KALRN: variants seen among roughly 807,000 people sequenced by gnomAD.
KALRN encodes the protein kalirin.
A neutral mutation model predicts 353.7 loss-of-function variants in KALRN; 70 were observed. The observed-to-expected ratio is 0.20, with a 90% CI of 0.16 to 0.24. KALRN has a LOEUF of 0.24. KALRN is among the 10% of genes least tolerant of loss of function. The pLI is 1.00. For synonymous variants in KALRN, 1,391 were observed against 1,434.8 expected (o/e 0.97, Z 0.69); for missense variants, 2,791 against 3,756.7 (o/e 0.74, Z 6.72).
intron 2 of KALRN, among the ~76,000 whole-genome samples, chr3:124,231,656 C>T (rs1292475586): frequency 6.6e-6 from 1 of 152,088 alleles, no homozygotes; most frequent in African/African-American, 2.4e-5. Flanking sequence ...TTACAATATC[C>T]ATTAAAATAC....
intron 5 of KALRN, among the ~76,000 whole-genome samples, chr3:124,292,199 C>T (rs747442354): frequency 1.3e-5 from 2 of 152,140 alleles, no homozygotes; most frequent in Admixed American, 6.5e-5. Flanking sequence ...TTGATTCTCA[C>T]GTCTATTTTA....
At chr3:124,369,707 T>C (rs1350651179) in intron 10 of KALRN, among the ~76,000 whole-genome samples, 1 of 152,148 alleles carries the variant, frequency 6.6e-6, no homozygotes, top group African/African-American at 2.4e-5. Flanking sequence ...TCTATCTAAT[T>C]GAAATTTTGT....
In KALRN at chr3:124,090,281, C is replaced by CTGGG. The variant is rs780119558; in HGVS notation, c.73+56469_73+56472dup. Among the ~76,000 whole-genome samples, 56 of 152,314 alleles carry CTGGG rather than the reference C, an allele frequency of 3.7e-4. 1 individual carries two copies. The highest frequency in any genetic ancestry group is 2.7e-3 in the Admixed American group (41 of 15,308). ...GCAGTGAAAGGTTGTCTTCCATGAG[C>CTGGG]TGGGCATGCCTCAGCCAAGGCAGAG... On this transcript the variant is annotated intron_variant, in intron 1 of 59. Coordinates refer to ENST00000682506, the MANE Select transcript of KALRN (RefSeq NM_001388419.1).
Position 124,379,540 on chromosome 3 carries a change from G to A in KALRN, c.1771-5305G>A, listed in dbSNP as rs548193034. Among the ~76,000 whole-genome samples the A allele has an allele frequency of 7.9e-5, 12 of 152,286 alleles. No individual in the cohort carries two copies. The South Asian group carries it at 1.0e-3, about 13-fold the overall frequency. On this transcript the variant is annotated intron_variant, in intron 10 of 59. Coordinates refer to ENST00000682506, the MANE Select transcript of KALRN (RefSeq NM_001388419.1). The stretch of plus-strand genomic sequence containing the variant: ...GGAAAAAAATTGATCTGTTCAGGTC[G>A]TTCTCTTAAAATGTACTAGGCAGGA...
intron 6 of KALRN, among the ~76,000 whole-genome samples, chr3:124,315,553 T>C (rs1030022729): frequency 1.3e-5 from 2 of 152,028 alleles, no homozygotes; most frequent in Non-Finnish European, 2.9e-5. Context: ...GGGACCTTCT[T>C]TTCTGGCTTC....
chr3:124,121,666 T>A (rs1163272808), intron 1 of KALRN, among the ~76,000 whole-genome samples: 1 of 152,224 alleles, frequency 6.6e-6, no homozygotes, highest in East Asian at 1.9e-4. Context: ...GATTTATTTC[T>A]ACTTGAAGAA....
Position 124,721,531 on chromosome 3 carries a change from TA to T in KALRN, c.*2068del, listed in dbSNP as rs1467024083. The T allele has an allele frequency of 6.6e-5, 10 of 152,172 alleles. No homozygotes were observed. Among genetic ancestry groups the T allele is most frequent in the Admixed American group, 5.9e-4 (9 of 15,284 alleles). 9.4% of individuals were successfully genotyped at this position (152,172 alleles called of 1,614,324 possible). A position where few individuals can be genotyped will look rare whatever the true frequency, so the allele number is the denominator to read the frequency against. On this transcript the variant is annotated 3_prime_UTR_variant, in exon 60 of 60. Coordinates refer to ENST00000682506, the MANE Select transcript of KALRN (RefSeq NM_001388419.1). ...TTTTCAAAATGTAAAACATATTTAG[TA>T]AAAAAATTTTAGTAAACATGTTTTC...
At chr3:124,404,914 G>T (rs188096258) in intron 13 of KALRN, among the ~76,000 whole-genome samples, 1 of 152,084 alleles carries the variant, frequency 6.6e-6, no homozygotes, top group South Asian at 2.1e-4. Context: ...AGACTGCAAG[G>T]CCTTGCTGTT....
intron 20 of KALRN, 62 bp from the exon 21 acceptor site, chr3:124,446,701 T>C (rs1473983302): frequency 6.2e-7 from 1 of 1,601,638 alleles, no homozygotes; most frequent in Non-Finnish European, 8.5e-7. Context: ...CATTGTAGTA[T>C]GGCATGTTTT....
chr3:124,465,083 C>T (rs761684753), intron 25 of KALRN, among the ~76,000 whole-genome samples: 18 of 152,036 alleles, frequency 1.2e-4, no homozygotes, highest in Non-Finnish European at 2.5e-4. Flanking sequence ...TAATTATCTG[C>T]AATTTAAGGA....
chr3:124,315,411 G>A (rs1352243960), intron 6 of KALRN, among the ~76,000 whole-genome samples: 1 of 152,156 alleles, frequency 6.6e-6, no homozygotes, highest in East Asian at 1.9e-4. Context: ...AGCAGGACTT[G>A]GCTGATGACT....
chr3:124,043,786 G>A (rs1369227166), intron 1 of KALRN, among the ~76,000 whole-genome samples: 1 of 152,134 alleles, frequency 6.6e-6, no homozygotes, highest in East Asian at 1.9e-4. Context: ...AGTGCTGGTG[G>A]CTTTCTTTTG....
chr3:124,498,800 C>T (rs1322682434), intron 33 of KALRN, among the ~76,000 whole-genome samples: 1 of 152,014 alleles, frequency 6.6e-6, no homozygotes, highest in African/African-American at 2.4e-5. Context: ...ATGTGTCCTC[C>T]GTGACTGCAC....
intron 34 of KALRN, among the ~76,000 whole-genome samples, chr3:124,609,730 A>G (rs561851043): frequency 9.9e-4 from 151 of 152,358 alleles, no homozygotes; most frequent in African/African-American, 3.5e-3. Flanking sequence ...ACAACACAAT[A>G]CTGTTCACTG....
At chr3:124,587,990 A>T (rs2075385993) in intron 34 of KALRN, among the ~76,000 whole-genome samples, 1 of 152,002 alleles carries the variant, frequency 6.6e-6, no homozygotes, top group South Asian at 2.1e-4. Flanking sequence ...CACTGCACTT[A>T]GCCTTTTTGG....
At chr3:124,247,785 A>C (rs75722290) in intron 3 of KALRN, among the ~76,000 whole-genome samples, 1,748 of 152,270 alleles carry the variant, frequency 0.011, 34 homozygotes, top group African/African-American at 0.04. Flanking sequence ...AGAAAAACAA[A>C]ACTATCTAGG....
At chr3:124,668,385 G>A (rs1278118216) in intron 47 of KALRN, among the ~76,000 whole-genome samples, 5 of 152,180 alleles carry the variant, frequency 3.3e-5, no homozygotes, top group African/African-American at 1.2e-4. Context: ...CTTGTGGCTG[G>A]TTTTGTGAAA....
At chr3:124,130,576 CATGATATCT>C (rs1437365968) in intron 1 of KALRN, among the ~76,000 whole-genome samples, 1 of 152,024 alleles carries the variant, frequency 6.6e-6, no homozygotes, top group Non-Finnish European at 1.5e-5. Context: ...AGAGAATTTT[CATGATATCT>C]ATTATGCACA....
chr3:124,155,706 GT>G (rs1303267618), intron 1 of KALRN, among the ~76,000 whole-genome samples: 1 of 152,158 alleles, frequency 6.6e-6, no homozygotes, highest in South Asian at 2.1e-4. Flanking sequence ...GTTAAATTCA[GT>G]TTTTCACAAG....
Sources: allele counts gnomAD v4.1 joint callset (sites outside exome capture counted in the v4.1 genomes callset), GRCh38; gene constraint gnomAD v4.1.1; transcripts MANE v1.5; gene names NCBI Gene and HGNC (gene_info 2026-07-23, HGNC 2026-07-21).